SEMA5A: variants seen among roughly 807,000 people sequenced by gnomAD.
SEMA5A encodes semaphorin 5A.
In SEMA5A, 55 loss-of-function variants were observed where a neutral mutation model predicts 135.5. The ratio of observed to expected loss-of-function variants is 0.41; its 90% CI spans 0.33 to 0.51. The LOEUF is 0.51. Among genes scored for constraint, SEMA5A ranks in the 20% least tolerant of loss-of-function variants. The pLI is 0.37. For missense variants in SEMA5A, 1,290 were observed against 1,419.9 expected (o/e 0.91, Z 1.47); for synonymous variants, 580 against 546.5 (o/e 1.06, Z -0.85).
chr5:9,278,299 C>T (rs1278822520), intron 5 of SEMA5A, among the ~76,000 whole-genome samples: 1 of 152,034 alleles, frequency 6.6e-6, no homozygotes, highest in African/African-American at 2.4e-5. Flanking sequence ...TGGTGGAAGA[C>T]ATTTCTAAGC....
At position 9,244,749 on chromosome 5, in the gene SEMA5A, C is replaced by T. The variant is rs74797730; in HGVS notation, c.271-6859G>A. On this transcript the variant is annotated intron_variant, in intron 5 of 22. Transcript: ENST00000382496. ...TGCCCTTGGAAGTCGCTCAGGTGTC[C>T]TTCTAGAGACCCCTTGTAGAATGGG... 9.9e-3 allele frequency among the ~76,000 whole-genome samples: 1,501 copies of T among 152,272 alleles called. 28 individuals are homozygous for T. Among genetic ancestry groups the T allele is most frequent in the African/African-American group, 0.035 (1,448 of 41,558 alleles).
chr5:9,133,853 C>T (rs1386997288), intron 13 of SEMA5A, among the ~76,000 whole-genome samples: 5 of 147,814 alleles, frequency 3.4e-5, no homozygotes, highest in African/African-American at 1.0e-4. Context: ...TATGCTTTGG[C>T]TCTGTGTCCC....
chr5:9,214,070 C>T (rs909555928), intron 8 of SEMA5A, among the ~76,000 whole-genome samples: 1 of 152,096 alleles, frequency 6.6e-6, no homozygotes, highest in Non-Finnish European at 1.5e-5. Flanking sequence ...TAACTAGGAG[C>T]CAGAATTAGC....
chr5:9,435,033 A>C (rs1757982327), intron 2 of SEMA5A, among the ~76,000 whole-genome samples: 1 of 152,214 alleles, frequency 6.6e-6, no homozygotes, highest in Non-Finnish European at 1.5e-5. Context: ...TTTGTAATAA[A>C]AAAGAAAAAT....
rs1171205502 is a variant in SEMA5A, at chr5:9,039,262, A to T, written c.*3635T>A. ...ACCGTTTCCGGGAACTGTCCATAGC[A>T]CTTGCTGGGGTGACCAGGTCCTGCC... On this transcript the variant is annotated 3_prime_UTR_variant, in exon 23 of 23. Coordinates refer to ENST00000382496, the MANE Select transcript of SEMA5A (RefSeq NM_003966.3). The T allele has an allele frequency of 1.3e-5, 2 of 152,316 alleles. No individual in the cohort carries two copies. The highest frequency in any genetic ancestry group is 2.9e-5 in the Non-Finnish European group (2 of 68,136). 9.4% of individuals were successfully genotyped at this position (152,316 alleles called of 1,614,324 possible). A position where few individuals can be genotyped will look rare whatever the true frequency, so the allele number is the denominator to read the frequency against.
At chr5:9,189,280 C>T (rs1428578135) in intron 11 of SEMA5A, among the ~76,000 whole-genome samples, 1 of 152,166 alleles carries the variant, frequency 6.6e-6, no homozygotes, top group African/African-American at 2.4e-5. Flanking sequence ...GCTGTCCCCA[C>T]TAGAACGTAA....
chr5:9,475,198 C>CA (rs2126764489), intron 1 of SEMA5A, among the ~76,000 whole-genome samples: 1 of 152,348 alleles, frequency 6.6e-6, no homozygotes, highest in East Asian at 1.9e-4. Context: ...TCCCAAAGTG[C>CA]TGGGATTACA....
chr5:9,348,194 T>A (rs1255514613), intron 3 of SEMA5A, among the ~76,000 whole-genome samples: 1 of 152,196 alleles, frequency 6.6e-6, no homozygotes, highest in Non-Finnish European at 1.5e-5. Context: ...TTGCCTTCCC[T>A]TTTGTTTATA....
intron 2 of SEMA5A, among the ~76,000 whole-genome samples, chr5:9,435,443 G>A (rs187011645): frequency 9.2e-5 from 14 of 152,102 alleles, no homozygotes; most frequent in African/African-American, 3.1e-4. Flanking sequence ...ACACATTTGG[G>A]GCATATAAAC....
chr5:9,384,334 G>A (rs1347685683), intron 2 of SEMA5A, among the ~76,000 whole-genome samples: 1 of 151,896 alleles, frequency 6.6e-6, no homozygotes, highest in African/African-American at 2.4e-5. Flanking sequence ...TCATACCAGG[G>A]CTTTTAGTGC....
chr5:9,394,442 G>A (rs185252911), intron 2 of SEMA5A, among the ~76,000 whole-genome samples: 7 of 152,226 alleles, frequency 4.6e-5, no homozygotes, highest in African/African-American at 1.7e-4. Flanking sequence ...TGTGGGATAC[G>A]GTGTCCCTGC....
chr5:9,544,156 T>C (rs1453039157), intron 1 of SEMA5A, among the ~76,000 whole-genome samples: 2 of 152,138 alleles, frequency 1.3e-5, no homozygotes, highest in African/African-American at 4.8e-5. Flanking sequence ...TATCTGCTGA[T>C]TCCAAACTCA....
At chr5:9,436,309 T>A (rs560722521) in intron 2 of SEMA5A, among the ~76,000 whole-genome samples, 1 of 152,288 alleles carries the variant, frequency 6.6e-6, no homozygotes, top group African/African-American at 2.4e-5. Flanking sequence ...AGCTCTCAGG[T>A]GCTGTGGTTC....
chr5:9,297,238 G>GT (rs919628208), intron 5 of SEMA5A, among the ~76,000 whole-genome samples: 15 of 150,568 alleles, frequency 1.0e-4, no homozygotes, highest in Non-Finnish European at 2.1e-4. Context: ...TTTTTCCTAA[G>GT]TTTTTTTTCT....
In SEMA5A at chr5:9,044,500, C is replaced by T. The variant is rs1736136691; in HGVS notation, c.2978G>A (p.Cys993Tyr). ...CLLTLLVYTY[C>Y]QRYQQQSHDA... Reference sequence around the variant, plus strand: ...GTGGGATTGCTGCTGGTACCGCTGGCAGTAAGTATAGACGAGCAGGGTGAG... The same window carrying T: ...GTGGGATTGCTGCTGGTACCGCTGGTAGTAAGTATAGACGAGCAGGGTGAG... Residue 993 changes from cysteine (C) to tyrosine (Y), a missense_variant, in exon 22 of 23, where the codon TGC becomes TAC. Physicochemically the swap from Cys to Tyr is radical, Grantham distance 194 (BLOSUM62 -2). Transcript: ENST00000382496. 6.2e-7 allele frequency: 1 copy of T among 1,613,906 alleles called. No individual in the cohort carries two copies. The highest frequency in any genetic ancestry group is 8.5e-7 in the Non-Finnish European group (1 of 1,180,010).
intron 2 of SEMA5A, among the ~76,000 whole-genome samples, chr5:9,403,336 C>T (rs1756743154): frequency 6.6e-6 from 1 of 152,126 alleles, no homozygotes; most frequent in African/African-American, 2.4e-5. Flanking sequence ...GAGCTTAGGT[C>T]TGAAACATTG....
intron 2 of SEMA5A, among the ~76,000 whole-genome samples, chr5:9,418,063 G>A (rs550140216): frequency 2.0e-5 from 3 of 149,850 alleles, no homozygotes; most frequent in South Asian, 4.2e-4. Context: ...TGCAACCTCC[G>A]CCTCCCGGGT....
At chr5:9,331,736 T>C (rs6896702) in intron 4 of SEMA5A, among the ~76,000 whole-genome samples, 45,516 of 152,124 alleles carry the variant, frequency 0.3, 9,546 homozygotes, top group African/African-American at 0.6. Flanking sequence ...TCTCTAAATG[T>C]TCAAATAAAC....
intron 16 of SEMA5A, among the ~76,000 whole-genome samples, chr5:9,071,930 C>T (rs1261461325): frequency 6.6e-6 from 1 of 152,142 alleles, no homozygotes; most frequent in Non-Finnish European, 1.5e-5. Flanking sequence ...CAAGTATCTA[C>T]ATGGAAGTAG....
Sources: gnomAD v4.1 joint callset for allele counts (sites outside exome capture counted in the v4.1 genomes callset) on GRCh38, gnomAD v4.1.1 for gene constraint, MANE v1.5 for transcripts, NCBI Gene and HGNC (gene_info 2026-07-23, HGNC 2026-07-21) for gene names.